Variants in DZIP3 observed in about 807,000 individuals in gnomAD.
DZIP3 encodes the protein E3 ubiquitin-protein ligase DZIP3.
Under a neutral mutation model 162.0 loss-of-function variants are expected in DZIP3, and 118 were observed. That is an observed-to-expected ratio of 0.73 (90% CI 0.63 to 0.85). The LOEUF (loss-of-function observed/expected upper bound fraction) is 0.85. DZIP3 is among the 40% of genes least tolerant of loss of function. DZIP3 has a pLI of 0.00. For missense variants in DZIP3, 1,331 were observed against 1,407.0 expected, an observed-to-expected ratio of 0.95 and a Z score of 0.86; for synonymous variants, 438 against 458.6, an observed-to-expected ratio of 0.96 and a Z score of 0.57.
intron 3 of DZIP3, 92 bp downstream of exon 3, chr3:108,608,250 G>C: frequency 9.3e-7 from 1 of 1,076,794 alleles, no homozygotes. Context: ...GTTTAATTAC[G>C]TGTTAAAATT....
chr3:108,647,554 G>T (rs115883576), intron 15 of DZIP3, among the ~76,000 whole-genome samples: 2,148 of 152,200 alleles, frequency 0.014, 55 homozygotes, highest in African/African-American at 0.048. Flanking sequence ...AGAAAAAATA[G>T]ATCTTTTGTC....
intron 5 of DZIP3, among the ~76,000 whole-genome samples, chr3:108,619,614 C>A (rs925143552): frequency 1.4e-4 from 21 of 152,268 alleles, no homozygotes; most frequent in African/African-American, 4.6e-4. Context: ...GGGATGAATT[C>A]TTCCTTCCTC....
At chr3:108,646,941 T>A (rs1194202157) in intron 15 of DZIP3, among the ~76,000 whole-genome samples, 1 of 152,114 alleles carries the variant, frequency 6.6e-6, no homozygotes, top group Non-Finnish European at 1.5e-5. Flanking sequence ...CTCAAGAGGC[T>A]GAGGCAGGAA....
intron 21 of DZIP3, among the ~76,000 whole-genome samples, chr3:108,665,964 G>A (rs575997207): frequency 2.6e-5 from 4 of 152,146 alleles, no homozygotes; most frequent in Admixed American, 2.0e-4. Context: ...TATGGCTATA[G>A]GAAGGTCTCT....
chr3:108,691,993 G>A (rs1365948693), intron 32 of DZIP3, among the ~76,000 whole-genome samples: 1 of 151,836 alleles, frequency 6.6e-6, no homozygotes, highest in Non-Finnish European at 1.5e-5. Context: ...ACTCTTCACG[G>A]AACACTCCCA....
Position 108,644,891 on chromosome 3 carries a change from A to C in DZIP3, c.1759+110A>C, listed in dbSNP as rs990403637. ...GATTCAGTGAGCTCATGGTTTTGGG[A>C]AAATGGACTCATCAGGAAGGTAATA... On this transcript the variant is annotated intron_variant, in intron 14 of 32. Coordinates refer to ENST00000361582, the MANE Select transcript of DZIP3 (RefSeq NM_014648.4). 6.3e-5 allele frequency: 62 copies of C among 977,542 alleles called. No homozygotes were observed. The South Asian group carries it at 1.0e-3, about 16-fold the overall frequency. The allele number at this position is 977,542 out of a possible 1,614,324, so 60.6% of individuals were successfully genotyped here.
Position 108,644,407 on chromosome 3 carries a change from CCAAA to C in DZIP3, c.1388_1391del (p.Lys463SerfsTer8). On this transcript the variant is annotated frameshift_variant, in exon 14 of 33. Coordinates refer to ENST00000361582, the MANE Select transcript of DZIP3 (RefSeq NM_014648.4). LOFTEE classifies it high-confidence loss of function. ...CCTCCTAACAAGGAGTTACCGCAAT[CCAAA>C]CAGTTTGACTTATGCCTCCTGTTAG... 1 of 1,614,062 alleles carries C rather than the reference CCAAA, an allele frequency of 6.2e-7. No individual in the cohort carries two copies. The highest frequency in any genetic ancestry group is 8.5e-7 in the Non-Finnish European group (1 of 1,179,982).
chr3:108,659,331 G>A (rs1046176797), intron 19 of DZIP3, among the ~76,000 whole-genome samples: 8 of 152,152 alleles, frequency 5.3e-5, no homozygotes, highest in African/African-American at 1.9e-4. Context: ...TGCAAGGCTG[G>A]TTCAACATAC....
chr3:108,642,830 T>G (rs1942460894), intron 13 of DZIP3, among the ~76,000 whole-genome samples: 1 of 152,170 alleles, frequency 6.6e-6, no homozygotes, highest in Non-Finnish European at 1.5e-5. Flanking sequence ...GCATTCCTTC[T>G]TAATAGAGCA....
chr3:108,665,910 A>G (rs1943654789), intron 21 of DZIP3, among the ~76,000 whole-genome samples: 1 of 152,196 alleles, frequency 6.6e-6, no homozygotes, highest in Admixed American at 6.5e-5. Context: ...ATGGAAAATT[A>G]TAAGAATTTA....
At chr3:108,669,777 C>T (rs1943855282) in intron 22 of DZIP3, 28 bp downstream of exon 22, 7 of 1,540,612 alleles carry the variant, frequency 4.5e-6, no homozygotes, top group East Asian at 2.3e-5. Flanking sequence ...TCTTTGGGTG[C>T]ACTCTCTCTG....
At chr3:108,605,472 T>C (rs2107479858) in intron 2 of DZIP3, 34 bp downstream of exon 2, 1 of 1,607,938 alleles carries the variant, frequency 6.2e-7, no homozygotes, top group Non-Finnish European at 8.5e-7. Flanking sequence ...TTTGGCACCA[T>C]GGACTGGTTT....
intron 8 of DZIP3, 26 bp from the exon 9 acceptor site, chr3:108,632,927 G>T: frequency 1.6e-6 from 2 of 1,260,480 alleles, no homozygotes; most frequent in East Asian, 2.8e-5. Flanking sequence ...TAATTCATGA[G>T]AATTCTTTCT....
intron 19 of DZIP3, among the ~76,000 whole-genome samples, chr3:108,659,686 G>A (rs1943326859): frequency 6.6e-6 from 1 of 152,148 alleles, no homozygotes; most frequent in South Asian, 2.1e-4. Context: ...TAGGAAAAGA[G>A]GAAGTCAAAT....
At position 108,688,059 on chromosome 3, in the gene DZIP3, G is replaced by A; in HGVS notation, c.3233G>A (p.Cys1078Tyr). 6.2e-7 allele frequency: 1 copy of A among 1,613,592 alleles called. No individual in the cohort carries two copies. Among genetic ancestry groups the A allele is most frequent in the Non-Finnish European group, 8.5e-7 (1 of 1,179,766 alleles). Reference protein sequence around the residue: ...LSELTFDEIVCKISQFIDPKK... With the variant: ...LSELTFDEIVYKISQFIDPKK... ...GAACTGACATTTGATGAAATTGTTTGCAAGATTTCCCAGTTTATTGACCCC... is the reference window on the plus strand; with the variant it reads ...GAACTGACATTTGATGAAATTGTTTACAAGATTTCCCAGTTTATTGACCCC... The change falls in exon 29 of 33, where the codon TGC becomes TAC. Residue 1078 changes from cysteine (C) to tyrosine (Y), a missense_variant. Cys to Tyr is a radical substitution (Grantham distance 194, BLOSUM62 -2). This residue lies in a region of DZIP3 where 1,278 missense variants were observed against 1,317.1 expected (regional missense o/e 0.97). Transcript: ENST00000361582.
At chr3:108,638,973 G>C (rs1213607478) in intron 12 of DZIP3, among the ~76,000 whole-genome samples, 1 of 152,172 alleles carries the variant, frequency 6.6e-6, no homozygotes. Context: ...ACTATACGGA[G>C]CTTCTTTTGG....
At chr3:108,654,337 C>G (rs767366374) in intron 19 of DZIP3, 27 bp downstream of exon 19, 1 of 1,612,266 alleles carries the variant, frequency 6.2e-7, no homozygotes, top group African/African-American at 1.3e-5. Context: ...AGGGTGCCTG[C>G]CTTCTCTTAT....
chr3:108,590,502 T>C (rs905250887), intron 1 of DZIP3, among the ~76,000 whole-genome samples: 2 of 152,226 alleles, frequency 1.3e-5, no homozygotes, highest in African/African-American at 4.8e-5. Context: ...GTAAAAATCT[T>C]TGGGTAGCTT....
intron 31 of DZIP3, among the ~76,000 whole-genome samples, chr3:108,690,517 A>T (rs2107444068): frequency 6.6e-6 from 1 of 152,322 alleles, no homozygotes; most frequent in African/African-American, 2.4e-5. Flanking sequence ...CCTTGTCAGG[A>T]AGGATTGCTA....
Sources: allele counts gnomAD v4.1 joint callset (sites outside exome capture counted in the v4.1 genomes callset), GRCh38; gene constraint gnomAD v4.1.1; regional missense constraint gnomAD v4.1.1; transcripts MANE v1.5; gene names NCBI Gene and HGNC (gene_info 2026-07-23, HGNC 2026-07-21).